The following DUS1L variants were observed in gnomAD, a reference collection of about 807,000 sequenced individuals.
The protein encoded by DUS1L is dihydrouridine synthase 1 like.
Under a neutral mutation model 61.2 loss-of-function variants are expected in DUS1L, and 56 were observed. The observed-to-expected ratio is 0.92, with a 90% CI of 0.74 to 1.14. The LOEUF is 1.14. DUS1L is among the 50% of genes most tolerant of loss of function. The pLI, the probability that DUS1L is intolerant of heterozygous loss-of-function variation, is 0.00. For synonymous variants in DUS1L, 278 were observed against 259.5 expected (o/e 1.07, Z -0.69); for missense variants, 630 against 632.4 (o/e 1.00, Z 0.04).
intron 4 of DUS1L, 54 bp from the exon 5 acceptor site, chr17:82,063,027 G>A (rs1285479365): frequency 3.3e-6 from 5 of 1,502,644 alleles, no homozygotes; most frequent in Admixed American, 1.7e-5. Context: ...CACTTTAGCG[G>A]CCAAGCCCCA....
chr17:82,059,538 A>G (rs1598549502), intron 11 of DUS1L: 1 of 179,956 alleles, frequency 5.6e-6, no homozygotes, highest in Admixed American at 5.7e-5. Context: ...AGGGGCGAGC[A>G]GCCTCGTCCC....
intron 1 of DUS1L, 116 bp from the exon 2 acceptor site, chr17:82,065,185 G>A (rs920387178): frequency 5.6e-6 from 5 of 890,010 alleles, no homozygotes; most frequent in Non-Finnish European, 8.3e-6. Flanking sequence ...TGGGTCACAC[G>A]CGGGGGCACT....
intron 5 of DUS1L, among the ~76,000 whole-genome samples, chr17:82,062,469 G>A (rs903149933): frequency 5.3e-5 from 8 of 152,340 alleles, no homozygotes; most frequent in South Asian, 2.1e-4. Context: ...CCAGGCCCGC[G>A]CCAGGCCAGG....
rs367749711 is a variant in DUS1L, at chr17:82,064,856, C to A, written c.204G>T (p.Glu68Asp). 6.2e-7 allele frequency: 1 copy of A among 1,612,124 alleles called. No homozygotes were observed. Among genetic ancestry groups the A allele is most frequent in the Non-Finnish European group, 8.5e-7 (1 of 1,179,704 alleles). Residue 68 changes from glutamate to aspartate, a missense_variant, in exon 2 of 14, where the codon GAG becomes GAT. Physicochemically the swap from Glu to Asp is conservative, Grantham distance 45. Transcript: ENST00000306796. Reference sequence around the variant, plus strand: ...TGAGGGGCCGGTCCTCGGGGCACACCTCGCAGTACAGGTTCTCCTTCCGGT... The same window carrying A: ...TGAGGGGCCGGTCCTCGGGGCACACATCGCAGTACAGGTTCTCCTTCCGGT... ...ANYRKENLYC[E>D]VCPEDRPLIV... is the part of the protein sequence containing the mutation.
intron 5 of DUS1L, among the ~76,000 whole-genome samples, chr17:82,062,236 C>T (rs1011818692): frequency 6.6e-6 from 1 of 152,244 alleles, no homozygotes; most frequent in African/African-American, 2.4e-5. Flanking sequence ...GCTGCATGTG[C>T]TGCCCAGGCC....
In DUS1L at chr17:82,058,496, G is replaced by A. The variant is rs762782949; in HGVS notation, c.1207-80C>T. The A allele has an allele frequency of 6.8e-6, 10 of 1,473,892 alleles. 1 individual carries two copies. In the South Asian group the frequency reaches 1.2e-4, roughly 17 times the overall value. The allele number at this position is 1,473,892 out of a possible 1,614,324, so 91.3% of individuals were successfully genotyped here. On this transcript the variant is annotated intron_variant, in intron 12 of 13. Transcript: ENST00000306796. ...TGGCCAGCAGGGGAGCAGCCCCACT[G>A]GGGAAGCCTCTGCCAGATGCCCACG... is the stretch of plus-strand genomic sequence containing the variant.
rs2144757912 is a variant in DUS1L, at chr17:82,065,736, C to G, written c.-134G>C. The stretch of plus-strand genomic sequence containing the variant: ...GGGGCCCCTGCAGCTCCCGGGGCGC[C>G]GCGAACGCCCGCACCGCGCCGGGGC... On this transcript the variant is annotated 5_prime_UTR_variant, in exon 1 of 14. Coordinates refer to ENST00000306796, the MANE Select transcript of DUS1L (RefSeq NM_022156.5). 6.8e-6 allele frequency: 1 copy of G among 147,270 alleles called. No individual in the cohort carries two copies. The highest frequency in any genetic ancestry group is 6.7e-5 in the Admixed American group (1 of 14,828). 9.1% of individuals were successfully genotyped at this position (147,270 alleles called of 1,614,324 possible).
At chr17:82,058,869 C>T (rs1164708412) in intron 11 of DUS1L, 51 bp from the exon 12 acceptor site, 1 of 1,533,750 alleles carries the variant, frequency 6.5e-7, no homozygotes, top group Non-Finnish European at 9.0e-7. Context: ...GGTGCCCTGG[C>T]TGTGGGGGCT....
In DUS1L at chr17:82,060,578, C is replaced by T. The variant is rs573088165; in HGVS notation, c.1022+123G>A. 2.1e-5 allele frequency: 27 copies of T among 1,295,534 alleles called. No homozygotes were observed. In the African/African-American group the frequency reaches 3.9e-4, roughly 19 times the overall value. The allele number at this position is 1,295,534 out of a possible 1,614,324, so 80.3% of individuals were successfully genotyped here. ...GAGCCGAGGCCTCCCTCCTCCTTTC[C>T]CTTGGGCAGGAGATGACTGACCATA... is the stretch of plus-strand genomic sequence containing the variant. On this transcript the variant is annotated intron_variant, in intron 10 of 13. Coordinates refer to ENST00000306796, the MANE Select transcript of DUS1L (RefSeq NM_022156.5).
intron 10 of DUS1L, 31 bp from the exon 11 acceptor site, chr17:82,060,124 G>A: frequency 3.1e-6 from 5 of 1,602,982 alleles, no homozygotes; most frequent in Non-Finnish European, 3.4e-6. Flanking sequence ...AGAGCCCAAG[G>A]ACACTGTGAG....
rs2033652228 is a variant in DUS1L, at chr17:82,064,242, A to T, written c.238-8T>A. The T allele has an allele frequency of 6.2e-7, 1 of 1,609,336 alleles. No homozygotes were observed. On this transcript the variant is annotated splice_polypyrimidine_tract_variant and splice_region_variant and intron_variant, in intron 2 of 13. Transcript: ENST00000306796. ...CGGGTCATTGGCACAGAACTGGAGA[A>T]GATGCAGGAGTCAGCCACGGGCCCA... is the stretch of plus-strand genomic sequence containing the variant.
At position 82,061,730 on chromosome 17, in the gene DUS1L, A is replaced by G; in HGVS notation, c.594-9T>C. 6.2e-7 allele frequency: 1 copy of G among 1,612,474 alleles called. No homozygotes were observed. The highest frequency in any genetic ancestry group is 8.5e-7 in the Non-Finnish European group (1 of 1,179,668). On this transcript the variant is annotated splice_polypyrimidine_tract_variant and intron_variant, in intron 6 of 13. Coordinates refer to ENST00000306796, the MANE Select transcript of DUS1L (RefSeq NM_022156.5). ...GGATGGCCACAGCCTTCCTGTTGGC[A>G]GAGAAATGCCTGTTTCCACCCGCCC...
intron 12 of DUS1L, 98 bp downstream of exon 12, chr17:82,058,683 T>C (rs1007878115): frequency 1.3e-6 from 2 of 1,581,076 alleles, no homozygotes; most frequent in Non-Finnish European, 1.7e-6. Context: ...CAAACCCAGC[T>C]GGGCGGGCAC....
Position 82,058,836 on chromosome 17 carries a change from G to C in DUS1L, c.1169-18C>G. The C allele has an allele frequency of 1.2e-6, 2 of 1,609,670 alleles. No individual in the cohort carries two copies. Among genetic ancestry groups the C allele is most frequent in the Non-Finnish European group, 1.7e-6 (2 of 1,176,794 alleles). On this transcript the variant is annotated intron_variant, in intron 11 of 13. Coordinates refer to ENST00000306796, the MANE Select transcript of DUS1L (RefSeq NM_022156.5). ...ATATTTTGCTAGGAAAAGAACAAAA[G>C]GGTGCTGGTGAGTGAGGGCCAGGGT...
At chr17:82,059,362 G>C (rs1428804113) in intron 11 of DUS1L, 1 of 170,038 alleles carries the variant, frequency 5.9e-6, no homozygotes, top group East Asian at 1.5e-4. Flanking sequence ...TACATGGGAA[G>C]GTTTCAGGGT....
In DUS1L at chr17:82,060,802, C is replaced by T. The variant is rs2033449440; in HGVS notation, c.940-19G>A. The T allele has an allele frequency of 1.2e-6, 2 of 1,611,606 alleles. No homozygotes were observed. Among genetic ancestry groups the T allele is most frequent in the African/African-American group, 1.3e-5 (1 of 74,920 alleles). On this transcript the variant is annotated intron_variant, in intron 9 of 13. Coordinates refer to ENST00000306796, the MANE Select transcript of DUS1L (RefSeq NM_022156.5). Reference sequence around the variant, plus strand: ...TCTCCTCCTGCAAAAGCCCAAGGCCCTGGTCATGGCCCCAGCCCCTCACCC... The same window carrying T: ...TCTCCTCCTGCAAAAGCCCAAGGCCTTGGTCATGGCCCCAGCCCCTCACCC...
At position 82,060,749 on chromosome 17, in the gene DUS1L, G is replaced by A. The variant is rs1186157384; in HGVS notation, c.974C>T (p.Thr325Ile). The change falls in exon 10 of 14, where the codon ACC (threonine) becomes ATC (isoleucine). Residue 325 changes from threonine to isoleucine, a missense_variant. Physicochemically the swap from Thr to Ile is moderately conservative, Grantham distance 89. Coordinates refer to ENST00000306796, the MANE Select transcript of DUS1L (RefSeq NM_022156.5). ...EISRQEGAKP[T>I]GDLPFHWICQ... ...GATCCAGTGGAAGGGCAAGTCGCCG[G>A]TGGGCTTCGCTCCCTCCTGCCTGGA... is the stretch of plus-strand genomic sequence containing the variant. 1.9e-6 allele frequency: 3 copies of A among 1,612,764 alleles called. No homozygotes were observed. Among genetic ancestry groups the A allele is most frequent in the East Asian group, 4.5e-5 (2 of 44,874 alleles).
rs776667954 is a variant in DUS1L at position 82,057,917 on chromosome 17, C to T, written c.*198G>A. 8.0e-6 allele frequency: 4 copies of T among 502,918 alleles called. No homozygotes were observed. Among genetic ancestry groups the T allele is most frequent in the East Asian group, 3.4e-5 (1 of 29,602 alleles). The allele number at this position is 502,918 out of a possible 1,614,324, so 31.2% of individuals were successfully genotyped here. A position where few individuals can be genotyped will look rare whatever the true frequency, so the allele number is the denominator to read the frequency against. ...GATTTATTGTTCACTTTTGCACACG[C>T]GTGCTGAGGACAGGGCAGGTCCAGC... On this transcript the variant is annotated 3_prime_UTR_variant, in exon 14 of 14. Coordinates refer to ENST00000306796, the MANE Select transcript of DUS1L (RefSeq NM_022156.5).
Position 82,064,142 on chromosome 17 carries a change from C to T in DUS1L, c.330G>A (p.Gln110=), listed in dbSNP as rs905695493. ...GGAGCTCACCTCTCTTGGCTATCAT[C>T]TGTGGGCAGCCCAAGTTCAGGTCAA... The part of the protein sequence containing the change: ...DAIDLNLGCP[Q]MIAKRGHYGA... The change falls in exon 3 of 14, where the codon CAG becomes CAA. Residue 110 remains glutamine (Q), a synonymous_variant. Coordinates refer to ENST00000306796, the MANE Select transcript of DUS1L (RefSeq NM_022156.5). 2 of 1,612,398 alleles carry T rather than the reference C, an allele frequency of 1.2e-6. No individual in the cohort carries two copies. The highest frequency in any genetic ancestry group is 1.7e-6 in the Non-Finnish European group (2 of 1,179,814).
Sources: gnomAD v4.1 joint callset for allele counts (sites outside exome capture counted in the v4.1 genomes callset) on GRCh38, gnomAD v4.1.1 for gene constraint, MANE v1.5 for transcripts, NCBI Gene and HGNC (gene_info 2026-07-23, HGNC 2026-07-21) for gene names.